ARHGAP26: variants seen among roughly 807,000 people sequenced by gnomAD.
The protein encoded by ARHGAP26 is Rho GTPase activating protein 26, also known as rho GTPase-activating protein 26.
A neutral mutation model predicts 104.8 loss-of-function variants in ARHGAP26; 38 were observed. The observed-to-expected ratio is 0.36, with a 90% confidence interval of 0.28 to 0.48. The LOEUF is 0.48. ARHGAP26 is among the 20% of genes least tolerant of loss of function. ARHGAP26 has a pLI of 0.99. For synonymous variants in ARHGAP26, 341 were observed against 340.0 expected (o/e 1.00, Z -0.03); for missense variants, 704 against 947.9 (o/e 0.74, Z 3.38).
chr5:142,955,357 A>G (rs1039149809), intron 11 of ARHGAP26, among the ~76,000 whole-genome samples: 3 of 152,178 alleles, frequency 2.0e-5, no homozygotes, highest in African/African-American at 7.2e-5. Flanking sequence ...ATGCATTCTG[A>G]TTGCAGAAAA....
At chr5:142,900,765 A>C (rs537599061) in intron 6 of ARHGAP26, among the ~76,000 whole-genome samples, 6 of 152,340 alleles carry the variant, frequency 3.9e-5, no homozygotes, top group Middle Eastern at 6.8e-3. Flanking sequence ...ACAGGTTAAA[A>C]AAAAATCATT....
chr5:143,183,073 C>CAAAAAAAAAAAAAAAAAAAAA (rs70991799), intron 20 of ARHGAP26, among the ~76,000 whole-genome samples: 1 of 89,962 alleles, frequency 1.1e-5, no homozygotes, highest in Non-Finnish European at 2.4e-5. Context: ...TGAAAAGTGG[C>CAAAAAAAAAAAAAAAAAAAAA]AAAAAAAAAA....
At chr5:143,035,935 CAAAAAA>C (rs10713064) in intron 12 of ARHGAP26, among the ~76,000 whole-genome samples, 1 of 78,096 alleles carries the variant, frequency 1.3e-5, no homozygotes, top group Non-Finnish European at 2.6e-5. Flanking sequence ...GACCTTGTCT[CAAAAAA>C]AAAAAAAAAA....
In ARHGAP26 at chr5:143,178,708, C is replaced by T. The variant is rs74428657; in HGVS notation, c.1989-28490C>T. 2.8e-3 allele frequency among the ~76,000 whole-genome samples: 422 copies of T among 152,298 alleles called. 2 individuals are homozygous for T. The highest frequency in any genetic ancestry group is 9.7e-3 in the African/African-American group (403 of 41,558). On this transcript the variant is annotated intron_variant, in intron 20 of 22. Coordinates refer to ENST00000645722, the MANE Select transcript of ARHGAP26 (RefSeq NM_001135608.3). ...CTGAGCTGAGAGCTTCACATTTCCT[C>T]ACGATTGCCCCAGGAGGGAGGCTGT...
chr5:142,866,708 A>G (rs1754345076), intron 1 of ARHGAP26: 5 of 152,232 alleles, frequency 3.3e-5, no homozygotes, highest in African/African-American at 1.2e-4. Context: ...ATTTTCCAGA[A>G]TCAGTGCTGG....
chr5:142,907,727 A>C lies in ARHGAP26; in HGVS notation c.856A>C (p.Lys286Gln). Residue 286 changes from lysine to glutamine, a missense_variant, in exon 9 of 23, where the codon AAG becomes CAG. Coordinates refer to ENST00000645722, the MANE Select transcript of ARHGAP26 (RefSeq NM_001135608.3). ...EKRHFGTSWV[K>Q]HYCTYQRDSK... is the part of the protein sequence containing the mutation. ...AGGTCACTTTGGAACTTCTTGGGTGAAGCACTACTGTACATATCAACGGGA... is the reference window on the plus strand; with the variant it reads ...AGGTCACTTTGGAACTTCTTGGGTGCAGCACTACTGTACATATCAACGGGA... 1.2e-6 allele frequency: 2 copies of C among 1,607,518 alleles called. No individual in the cohort carries two copies. The highest frequency in any genetic ancestry group is 1.7e-6 in the Non-Finnish European group (2 of 1,175,758).
chr5:142,977,331 G>A (rs762837408), intron 11 of ARHGAP26, among the ~76,000 whole-genome samples: 2 of 152,040 alleles, frequency 1.3e-5, no homozygotes, highest in Non-Finnish European at 2.9e-5. Flanking sequence ...TTCACAATTT[G>A]TGGCATTGCT....
chr5:143,014,307 G>A, intron 12 of ARHGAP26, 191 bp downstream of exon 12: 1 of 626,306 alleles, frequency 1.6e-6, no homozygotes, highest in East Asian at 2.7e-5. Context: ...AGTGAGCCTG[G>A]CTGGCAAGGC....
intron 1 of ARHGAP26, among the ~76,000 whole-genome samples, chr5:142,815,194 T>C (rs1351469843): frequency 6.6e-6 from 1 of 151,940 alleles, no homozygotes; most frequent in Non-Finnish European, 1.5e-5. Context: ...AGAGATATGG[T>C]TTCACCATGT....
chr5:142,903,510 T>G (rs1215841877), intron 7 of ARHGAP26, 30 bp from the exon 8 acceptor site: 1 of 1,607,578 alleles, frequency 6.2e-7, no homozygotes, highest in Non-Finnish European at 8.5e-7. Flanking sequence ...CTTTGTTTCT[T>G]TGATTTGAAT....
At chr5:143,025,260 C>A (rs1193892557) in intron 12 of ARHGAP26, among the ~76,000 whole-genome samples, 11 of 152,152 alleles carry the variant, frequency 7.2e-5, no homozygotes, top group Non-Finnish European at 1.5e-5. Context: ...CTTACACAAG[C>A]AGTTTGTGGA....
At chr5:142,844,344 C>T (rs1352153304) in intron 1 of ARHGAP26, among the ~76,000 whole-genome samples, 1 of 151,912 alleles carries the variant, frequency 6.6e-6, no homozygotes, top group African/African-American at 2.4e-5. Flanking sequence ...AGCCACAGTG[C>T]CCAGTGCTTT....
At chr5:143,183,321 A>T (rs1804666092) in intron 20 of ARHGAP26, among the ~76,000 whole-genome samples, 1 of 152,160 alleles carries the variant, frequency 6.6e-6, no homozygotes, top group Non-Finnish European at 1.5e-5. Flanking sequence ...TCACCTGTGA[A>T]ATGGGGCTAA....
Position 142,885,371 on chromosome 5 carries a change from C to T in ARHGAP26, c.458C>T (p.Ser153Phe), listed in dbSNP as rs748978275. 2.5e-6 allele frequency: 4 copies of T among 1,613,424 alleles called. No individual in the cohort carries two copies. Among genetic ancestry groups the T allele is most frequent in the Non-Finnish European group, 3.4e-6 (4 of 1,179,700 alleles). The change falls in exon 5 of 23, where the codon TCC (serine) becomes TTC (phenylalanine). Residue 153 changes from serine to phenylalanine, a missense_variant. By Grantham distance (155) the Ser-to-Phe change is radical (BLOSUM62 -2). Transcript: ENST00000645722. ...GILEKHLNLSSKKKESQLQEA... is the reference protein window; with the variant it reads ...GILEKHLNLSFKKKESQLQEA... ...TTAGAAAAACACTTGAATTTGTCTT[C>T]CAAAAAGAAAGAATCTCAGCTTCAG... is the stretch of plus-strand genomic sequence containing the variant.
At chr5:142,927,554 AAC>A (rs1284446863) in intron 10 of ARHGAP26, among the ~76,000 whole-genome samples, 2 of 152,208 alleles carry the variant, frequency 1.3e-5, no homozygotes, top group Non-Finnish European at 2.9e-5. Context: ...TCAAATATAC[AAC>A]AGTTTATCCA....
intron 20 of ARHGAP26, among the ~76,000 whole-genome samples, chr5:143,178,969 A>T (rs533567144): frequency 6.6e-6 from 1 of 152,020 alleles, no homozygotes; most frequent in Admixed American, 6.5e-5. Context: ...TCCCGGGTTC[A>T]AGCGATTCTC....
chr5:143,147,117 C>T, intron 19 of ARHGAP26, 114 bp from the exon 20 acceptor site: 2 of 1,246,620 alleles, frequency 1.6e-6, no homozygotes, highest in South Asian at 1.6e-5. Flanking sequence ...CTTAAGCTTC[C>T]CTGGGATCAG....
At chr5:143,186,855 C>G (rs1203375130) in intron 20 of ARHGAP26, among the ~76,000 whole-genome samples, 5 of 152,158 alleles carry the variant, frequency 3.3e-5, no homozygotes, top group Non-Finnish European at 7.3e-5. Context: ...TACTTTTTCT[C>G]TCTTTCCATT....
intron 1 of ARHGAP26, among the ~76,000 whole-genome samples, chr5:142,836,266 A>G (rs2152140389): frequency 6.6e-6 from 1 of 152,336 alleles, no homozygotes; most frequent in South Asian, 2.1e-4. Flanking sequence ...TCTGTGGTTC[A>G]TTCTTCCCCT....
Sources: gnomAD v4.1 joint callset for allele counts (sites outside exome capture counted in the v4.1 genomes callset) on GRCh38, gnomAD v4.1.1 for gene constraint, MANE v1.5 for transcripts, NCBI Gene and HGNC (gene_info 2026-07-23, HGNC 2026-07-21) for gene names.